FH: variants seen among roughly 807,000 people sequenced by gnomAD.
FH encodes the protein fumarate hydratase.
A neutral mutation model predicts 49.4 loss-of-function variants in FH; 22 were observed. The ratio of observed to expected loss-of-function variants is 0.45; its 90% CI spans 0.32 to 0.64. The LOEUF (loss-of-function observed/expected upper bound fraction) is 0.64. Ranked by LOEUF, FH falls within the 30% of genes least tolerant of loss-of-function variation. The pLI, the probability that FH is intolerant of heterozygous loss-of-function variation, is 0.05. For missense variants in FH, 526 were observed against 641.5 expected (o/e 0.82, Z 1.95); for synonymous variants, 208 against 223.0 (o/e 0.93, Z 0.60).
At chr1:241,514,770 A>C (rs1037646515) in intron 2 of FH, among the ~76,000 whole-genome samples, 2 of 152,364 alleles carry the variant, frequency 1.3e-5, no homozygotes, top group Admixed American at 6.5e-5. Flanking sequence ...ACTAAAATTA[A>C]AACATTAGAA....
chr1:241,517,590 T>C (rs1283324298), intron 1 of FH, among the ~76,000 whole-genome samples: 1 of 152,166 alleles, frequency 6.6e-6, no homozygotes, highest in Non-Finnish European at 1.5e-5. Context: ...CAAATAGTAA[T>C]CTTTTCCATT....
intron 8 of FH, among the ~76,000 whole-genome samples, chr1:241,501,529 A>T (rs1659779754): frequency 6.6e-6 from 1 of 152,216 alleles, no homozygotes; most frequent in African/African-American, 2.4e-5. Context: ...ACATTCCATG[A>T]GAGCAAGAAA....
rs1425094515 is a variant in FH at position 241,497,841 on chromosome 1, A to T, written c.1520T>A (p.Leu507Gln). 6.2e-7 allele frequency: 1 copy of T among 1,609,240 alleles called. No individual in the cohort carries two copies. Among genetic ancestry groups the T allele is most frequent in the East Asian group, 2.2e-5 (1 of 44,734 alleles). Residue 507 changes from leucine to glutamine, a missense_variant, in exon 10 of 10, where the codon CTG becomes CAG. Transcript: ENST00000366560. ...AATTTATGTAAATCACTTTGGACCC[A>T]GCATGTCCTTAGGTTTTACCCATTC... is the stretch of plus-strand genomic sequence containing the variant. ...FDEWVKPKDM[L>Q]GPK
chr1:241,509,315 T>A (rs1219369274), intron 4 of FH, among the ~76,000 whole-genome samples: 1 of 152,094 alleles, frequency 6.6e-6, no homozygotes, highest in Non-Finnish European at 1.5e-5. Context: ...CTTTATTAAG[T>A]TTAGAAAAAT....
rs201975537 is a variant in FH at position 241,504,137 on chromosome 1, A to G, written c.1013T>C (p.Ile338Thr). The G allele has an allele frequency of 4.5e-5, 73 of 1,614,108 alleles. No individual in the cohort carries two copies. The South Asian group carries it at 7.1e-4, about 16-fold the overall frequency. The change falls in exon 7 of 10, where the codon ATA becomes ACA. Residue 338 changes from isoleucine to threonine, a missense_variant. By Grantham distance (89) the Ile-to-Thr change is moderately conservative. Around this residue, in one of 2 missense-constraint regions of FH, gnomAD observed 383 missense variants for 514.0 expected, o/e 0.75. Coordinates refer to ENST00000366560, the MANE Select transcript of FH (RefSeq NM_000143.4). ...MNTTACSLMK[I>T]ANDIRFLGSG... ...ACCCAAAAATCGAATATCATTTGCT[A>G]TCTTCATCAGACTGCAGGCAGTAGT...
chr1:241,510,391 C>T (rs1019224900), intron 4 of FH, among the ~76,000 whole-genome samples: 1 of 151,910 alleles, frequency 6.6e-6, no homozygotes, highest in African/African-American at 2.4e-5. Flanking sequence ...AATTGGGTTC[C>T]CAGAGCTGAA....
chr1:241,518,422 C>T (rs975898413), intron 1 of FH, among the ~76,000 whole-genome samples: 2 of 151,982 alleles, frequency 1.3e-5, no homozygotes, highest in Non-Finnish European at 2.9e-5. Context: ...TTTAAAATGC[C>T]CTAAAATTAT....
In FH at chr1:241,519,638, C is replaced by A; in HGVS notation, c.85G>T (p.Gly29Cys). Residue 29 changes from glycine to cysteine, a missense_variant, in exon 1 of 10, where the codon GGT becomes TGT. Coordinates refer to ENST00000366560, the MANE Select transcript of FH (RefSeq NM_000143.4). ...AAALASAPGLGGAAVPSFWPP... is the reference protein window; with the variant it reads ...AAALASAPGLCGAAVPSFWPP... Reference sequence around the variant, plus strand: ...CAAAACGAGGGCACGGCCGCGCCACCCAAGCCGGGAGCCGAAGCTAAGGCT... The same window carrying A: ...CAAAACGAGGGCACGGCCGCGCCACACAAGCCGGGAGCCGAAGCTAAGGCT... The A allele has an allele frequency of 6.5e-7, 1 of 1,547,884 alleles. No individual in the cohort carries two copies. Among genetic ancestry groups the A allele is most frequent in the Non-Finnish European group, 8.7e-7 (1 of 1,146,472 alleles).
intron 4 of FH, among the ~76,000 whole-genome samples, chr1:241,509,053 A>G (rs568431643): frequency 6.7e-6 from 1 of 148,760 alleles, no homozygotes; most frequent in African/African-American, 2.4e-5. Context: ...ATTATATTAT[A>G]TTATGTATTA....
At chr1:241,500,767 G>C (rs1659759250) in intron 8 of FH, among the ~76,000 whole-genome samples, 177 bp from the exon 9 acceptor site, 1 of 152,098 alleles carries the variant, frequency 6.6e-6, no homozygotes, top group Non-Finnish European at 1.5e-5. Flanking sequence ...AAACAAATGT[G>C]AAAGAAAGCA....
chr1:241,501,823 G>C (rs968557092), intron 8 of FH, among the ~76,000 whole-genome samples: 1 of 152,170 alleles, frequency 6.6e-6, no homozygotes. Context: ...TGCATCTATC[G>C]ATCTTCGTAA....
At chr1:241,517,429 A>G in intron 1 of FH, 113 bp from the exon 2 acceptor site, 1 of 1,118,156 alleles carries the variant, frequency 8.9e-7, no homozygotes, top group Admixed American at 2.1e-5. Flanking sequence ...TCACAAAGAC[A>G]AAAAAATACT....
At chr1:241,502,389 C>T in intron 8 of FH, 54 bp downstream of exon 8, 1 of 1,608,908 alleles carries the variant, frequency 6.2e-7, no homozygotes, top group Non-Finnish European at 8.5e-7. Flanking sequence ...AAATACAAAA[C>T]CAAGATAATA....
intron 2 of FH, among the ~76,000 whole-genome samples, 173 bp from the exon 3 acceptor site, chr1:241,513,886 A>G (rs1389067911): frequency 6.6e-6 from 1 of 152,224 alleles, no homozygotes. Flanking sequence ...TCATGAACCA[A>G]GAATCAACAT....
Position 241,498,694 on chromosome 1 carries a change from C to CATATAT in FH, c.1391-730_1391-725dup, listed in dbSNP as rs56361117. Among the ~76,000 whole-genome samples, 467 of 53,044 alleles carry CATATAT rather than the reference C, an allele frequency of 8.8e-3. 18 individuals carry two copies. Among genetic ancestry groups the CATATAT allele is most frequent in the Non-Finnish European group, 0.011 (315 of 27,928 alleles). The allele number at this position is 53,044 out of a possible 152,430, so 34.8% of individuals were successfully genotyped here. Reference sequence around the variant, plus strand: ...AGGGCAGTTCTGCAAGCTGTCTTAACATATATATATATATATATATATATA... The same window carrying CATATAT: ...AGGGCAGTTCTGCAAGCTGTCTTAACATATATATATATATATATATATATATATATA... On this transcript the variant is annotated intron_variant, in intron 9 of 9. Transcript: ENST00000366560.
intron 9 of FH, among the ~76,000 whole-genome samples, chr1:241,498,708 T>C (rs1573877052): frequency 1.0e-4 from 3 of 29,908 alleles, no homozygotes; most frequent in Non-Finnish European, 2.1e-4. Flanking sequence ...TATATATATA[T>C]ATATATATAT....
chr1:241,504,223 C>A lies in FH; in HGVS notation c.927G>T (p.Pro309=). Reference sequence around the variant, plus strand: ...GAGCAGCCAGAGCTTCAAATTTATTCGGAGCAGTGACAAAAGGCAAGCCTA... The same window carrying A: ...GAGCAGCCAGAGCTTCAAATTTATTAGGAGCAGTGACAAAAGGCAAGCCTA... The part of the protein sequence containing the change: ...ALTGLPFVTA[P]NKFEALAAHD... Residue 309 remains proline (P), a synonymous_variant, in exon 7 of 10, where the codon CCG becomes CCT. Transcript: ENST00000366560. 1 of 1,613,990 alleles carries A rather than the reference C, an allele frequency of 6.2e-7. No homozygotes were observed. The highest frequency in any genetic ancestry group is 1.1e-5 in the South Asian group (1 of 91,060).
chr1:241,509,234 T>C (rs1660014826), intron 4 of FH, among the ~76,000 whole-genome samples: 2 of 152,100 alleles, frequency 1.3e-5, no homozygotes, highest in East Asian at 1.9e-4. Context: ...TATTGAATTA[T>C]ATATTCTTAT....
chr1:241,502,398 T>C (rs891537769), intron 8 of FH, 45 bp downstream of exon 8: 1 of 1,611,496 alleles, frequency 6.2e-7, no homozygotes, highest in Non-Finnish European at 8.5e-7. Context: ...ACCAAGATAA[T>C]AAGCCTTTGG....
Sources: gnomAD v4.1 joint callset for allele counts (sites outside exome capture counted in the v4.1 genomes callset) on GRCh38, gnomAD v4.1.1 for gene constraint, gnomAD v4.1.1 regional missense constraint, MANE v1.5 for transcripts, NCBI Gene and HGNC (gene_info 2026-07-23, HGNC 2026-07-21) for gene names.